VPS39: variants seen among roughly 807,000 people sequenced by gnomAD.
The protein encoded by VPS39 is vam6/Vps39-like protein.
VPS39 carries 70 observed loss-of-function variants against 121.0 expected under a neutral mutation model. That is an observed-to-expected ratio of 0.58 (90% confidence interval 0.48 to 0.71). The LOEUF (loss-of-function observed/expected upper bound fraction) is 0.71, where lower values mean the gene tolerates loss of function less well. Among genes scored for constraint, VPS39 ranks in the 30% least tolerant of loss-of-function variants. VPS39 has a pLI of 0.00. For synonymous variants in VPS39, 378 were observed against 398.1 expected, an observed-to-expected ratio of 0.95 and a Z score of 0.60; for missense variants, 818 against 1,051.5, an observed-to-expected ratio of 0.78 and a Z score of 3.07.
intron 2 of VPS39, among the ~76,000 whole-genome samples, chr15:42,193,444 T>C (rs981468266): frequency 2.6e-5 from 4 of 152,366 alleles, no homozygotes; most frequent in Admixed American, 6.5e-5. Flanking sequence ...ACACCAACAC[T>C]TAACAAATGT....
chr15:42,160,938 GCAGC>G, intron 24 of VPS39, 109 bp from the exon 25 acceptor site: 1 of 1,124,144 alleles, frequency 8.9e-7, no homozygotes. Flanking sequence ...CATTCCAAAA[GCAGC>G]CCACCCAAAC....
At chr15:42,192,746 T>C (rs1409707389) in intron 2 of VPS39, among the ~76,000 whole-genome samples, 1 of 152,114 alleles carries the variant, frequency 6.6e-6, no homozygotes, top group Non-Finnish European at 1.5e-5. Context: ...TTATTGCATT[T>C]AATACTTCTC....
intron 1 of VPS39, among the ~76,000 whole-genome samples, chr15:42,201,812 C>T (rs2050074811): frequency 6.6e-6 from 1 of 152,154 alleles, no homozygotes; most frequent in Admixed American, 6.5e-5. Context: ...ATAAAGGTCA[C>T]TCATTCCTTT....
chr15:42,159,548 ACCAG>A lies in VPS39; in HGVS notation c.*1202_*1205del, dbSNP rs1211169103. ...AGGTTTGGCGGTGAGTTATTTTTAA[ACCAG>A]CGTCCTGCTGTTCTTGCCCCCCGCG... On this transcript the variant is annotated 3_prime_UTR_variant, in exon 25 of 25. Coordinates refer to ENST00000318006, the MANE Select transcript of VPS39 (RefSeq NM_015289.5). 1.3e-5 allele frequency: 2 copies of A among 152,334 alleles called. No homozygotes were observed. The highest frequency in any genetic ancestry group is 2.4e-5 in the African/African-American group (1 of 41,424). 9.4% of individuals were successfully genotyped at this position (152,334 alleles called of 1,614,324 possible).
intron 7 of VPS39, among the ~76,000 whole-genome samples, chr15:42,185,436 G>A (rs2049681824): frequency 6.6e-6 from 1 of 152,012 alleles, no homozygotes; most frequent in South Asian, 2.1e-4. Context: ...ACCCGCCACG[G>A]CCTCCCAAAG....
rs1342637225 is a variant in VPS39, at chr15:42,178,292, T to C, written c.886A>G (p.Ile296Val). ...ATTTGGGTTGCCATGGGGACAGGGA[T>C]GAGTCTCCAAACAAAATGATTGCTG... ...VASNHFVWRLIPVPMATQIQQ... is the reference protein window; with the variant it reads ...VASNHFVWRLVPVPMATQIQQ... The change falls in exon 10 of 25, where the codon ATC becomes GTC. Residue 296 changes from isoleucine (I) to valine (V), a missense_variant. Physicochemically the swap from Ile to Val is conservative, Grantham distance 29. Coordinates refer to ENST00000318006, the MANE Select transcript of VPS39 (RefSeq NM_015289.5). The C allele has an allele frequency of 2.5e-6, 4 of 1,614,172 alleles. No homozygotes were observed. In the South Asian group the frequency reaches 4.4e-5, roughly 18 times the overall value.
chr15:42,160,526 C>T lies in VPS39; in HGVS notation c.*228G>A. The T allele has an allele frequency of 1.9e-6, 1 of 532,362 alleles. No homozygotes were observed. The highest frequency in any genetic ancestry group is 1.9e-5 in the African/African-American group (1 of 52,948). The allele number at this position is 532,362 out of a possible 1,614,324, so 33.0% of individuals were successfully genotyped here. ...AGGTACTGAATTCTCTGGAATTGCC[C>T]ACAACATAATGGTATAAGGTATAAC... On this transcript the variant is annotated 3_prime_UTR_variant, in exon 25 of 25. Coordinates refer to ENST00000318006, the MANE Select transcript of VPS39 (RefSeq NM_015289.5).
At chr15:42,163,565 C>T (rs954939804) in intron 20 of VPS39, 61 bp downstream of exon 20, 1 of 1,546,988 alleles carries the variant, frequency 6.5e-7, no homozygotes, top group Admixed American at 1.7e-5. Flanking sequence ...TCTTAACTCT[C>T]ATCTCTCTGC....
intron 8 of VPS39, 107 bp from the exon 9 acceptor site, chr15:42,178,677 C>T: frequency 6.7e-7 from 1 of 1,482,380 alleles, no homozygotes; most frequent in South Asian, 1.2e-5. Context: ...TCCAAAAAGT[C>T]CCCTAGTCAA....
In VPS39 at chr15:42,163,787, G is replaced by A. The variant is rs574637448; in HGVS notation, c.2027-59C>T. Reference sequence around the variant, plus strand: ...GCCATCACGCAAGCACAAGGTGGGGGCTATGCTGTCAGAGGAGTGGACACG... The same window carrying A: ...GCCATCACGCAAGCACAAGGTGGGGACTATGCTGTCAGAGGAGTGGACACG... On this transcript the variant is annotated intron_variant, in intron 19 of 24. Transcript: ENST00000318006. 8.7e-5 allele frequency: 112 copies of A among 1,284,760 alleles called. 1 individual carries two copies. The East Asian group carries it at 2.6e-3, about 30-fold the overall frequency. 79.6% of individuals were successfully genotyped at this position (1,284,760 alleles called of 1,614,324 possible).
chr15:42,161,136 A>T, intron 24 of VPS39: 1 of 378,548 alleles, frequency 2.6e-6, no homozygotes, highest in Non-Finnish European at 4.8e-6. Context: ...GCTTCCTGAG[A>T]GCCAACAATG....
chr15:42,191,657 A>C (rs1385540532), intron 2 of VPS39, 97 bp from the exon 3 acceptor site: 1 of 1,048,340 alleles, frequency 9.5e-7, no homozygotes, highest in African/African-American at 1.6e-5. Context: ...CTCCTATATA[A>C]ATCTTTGGAA....
intron 1 of VPS39, 56 bp downstream of exon 1, chr15:42,208,025 A>C (rs1595694565): frequency 1.9e-6 from 3 of 1,540,904 alleles, no homozygotes; most frequent in Non-Finnish European, 2.6e-6. Flanking sequence ...GCCTCAGAAA[A>C]GATCCGGACC....
chr15:42,169,656 C>G lies in VPS39; in HGVS notation c.1233+68G>C, dbSNP rs560478490. On this transcript the variant is annotated intron_variant, in intron 12 of 24. Transcript: ENST00000318006. The stretch of plus-strand genomic sequence containing the variant: ...TGGCATTAGAGAAGGCCCTCAATTC[C>G]TTGCCACAAAGAAACAAGTACTGAA... The G allele has an allele frequency of 1.1e-5, 16 of 1,501,416 alleles. No homozygotes were observed. In the African/African-American group the frequency reaches 1.7e-4, roughly 16 times the overall value. The allele number at this position is 1,501,416 out of a possible 1,614,324, so 93.0% of individuals were successfully genotyped here. A position where few individuals can be genotyped will look rare whatever the true frequency, so the allele number is the denominator to read the frequency against.
chr15:42,204,387 C>T (rs1319558796), intron 1 of VPS39, among the ~76,000 whole-genome samples: 2 of 152,204 alleles, frequency 1.3e-5, no homozygotes, highest in South Asian at 2.1e-4. Flanking sequence ...AAGTGGCTCA[C>T]GCCTGTAATC....
Position 42,164,396 on chromosome 15 carries a change from T to C in VPS39, c.1988A>G (p.Tyr663Cys), listed in dbSNP as rs200646811. 39 of 1,614,058 alleles carry C rather than the reference T, an allele frequency of 2.4e-5. No homozygotes were observed. The highest frequency in any genetic ancestry group is 3.3e-5 in the Non-Finnish European group (39 of 1,180,016). ...LLMFLEISSY[Y>C]DPGRLICDFP... ...ATCACAGATGAGCCGGCCTGGATCA[T>C]AGTAGCTGGAAATCTCCAAGAACAT... Residue 663 changes from tyrosine (Y) to cysteine (C), a missense_variant, in exon 19 of 25, where the codon TAT (tyrosine) becomes TGT (cysteine). Physicochemically the swap from Tyr to Cys is radical, Grantham distance 194. Transcript: ENST00000318006.
At position 42,167,423 on chromosome 15, in the gene VPS39, C is replaced by A; in HGVS notation, c.1348G>T (p.Asp450Tyr). 1 of 1,614,056 alleles carries A rather than the reference C, an allele frequency of 6.2e-7. No homozygotes were observed. Among genetic ancestry groups the A allele is most frequent in the Non-Finnish European group, 8.5e-7 (1 of 1,180,014 alleles). The change falls in exon 13 of 25, where the codon GAC (aspartate) becomes TAC (tyrosine). Residue 450 changes from aspartate (D) to tyrosine (Y), a missense_variant. Asp to Tyr is a radical substitution (Grantham distance 160). Transcript: ENST00000318006. ...AGATAGCACTTGAGCAGGGTGGTGT[C>A]GATGATTTGTAGCAGCTTCTTCTTG... ...KSKKKLLQII[D>Y]TTLLKCYLHT...
intron 10 of VPS39, among the ~76,000 whole-genome samples, chr15:42,177,562 T>G (rs546916931): frequency 4.6e-5 from 7 of 152,358 alleles, no homozygotes; most frequent in African/African-American, 1.7e-4. Context: ...GCATTCAACT[T>G]TACTATAACA....
chr15:42,191,410 G>T, intron 3 of VPS39, 86 bp downstream of exon 3: 1 of 1,369,324 alleles, frequency 7.3e-7, no homozygotes, highest in Non-Finnish European at 1.0e-6. Context: ...AGGATTCAGA[G>T]TTAATAAATA....
Sources: gnomAD v4.1 joint callset for allele counts (sites outside exome capture counted in the v4.1 genomes callset) on GRCh38, gnomAD v4.1.1 for gene constraint, MANE v1.5 for transcripts, NCBI Gene and HGNC (gene_info 2026-07-23, HGNC 2026-07-21) for gene names.